Variants in SANBR observed in about 807,000 individuals in gnomAD.
The protein encoded by SANBR is SANT and BTB domain regulator of class switch recombination.
SANBR carries 77 observed loss-of-function variants against 101.8 expected under a neutral mutation model. That is an observed-to-expected ratio of 0.76 (90% CI 0.63 to 0.91). The LOEUF (loss-of-function observed/expected upper bound fraction) is 0.91, where lower values mean the gene tolerates loss of function less well. Ranked by LOEUF, SANBR falls within the 40% of genes least tolerant of loss-of-function variation. The probability of loss-of-function intolerance (pLI) is 0.00; values close to 1 mark genes in which losing one functional copy is unlikely to be tolerated. For synonymous variants in SANBR, 279 were observed against 274.7 expected (o/e 1.02, Z -0.15); for missense variants, 875 against 853.0 (o/e 1.03, Z -0.32).
chr2:61,121,062 A>T (rs886677960), intron 20 of SANBR, 123 bp from the exon 21 acceptor site: 22 of 728,164 alleles, frequency 3.0e-5, no homozygotes, highest in Non-Finnish European at 4.4e-6. Context: ...ATTAAACCTC[A>T]AAAAGACTGG....
chr2:61,088,054 A>G (rs1348491883), intron 8 of SANBR, 105 bp from the exon 9 acceptor site: 2 of 594,370 alleles, frequency 3.4e-6, no homozygotes, highest in Admixed American at 3.5e-5. Flanking sequence ...GAGAGCCACT[A>G]AGGATTTATT....
At chr2:61,108,840 G>A (rs1006741980) in intron 15 of SANBR, among the ~76,000 whole-genome samples, 3 of 152,238 alleles carry the variant, frequency 2.0e-5, no homozygotes, top group South Asian at 2.1e-4. Flanking sequence ...ATGTGCATAT[G>A]TGCTTGTTTA....
At chr2:61,109,933 G>A (rs948441041) in intron 16 of SANBR, among the ~76,000 whole-genome samples, 8 of 151,884 alleles carry the variant, frequency 5.3e-5, no homozygotes, top group Admixed American at 1.3e-4. Context: ...GATTACAGGC[G>A]TGAGCCACTG....
chr2:61,134,344 G>A (rs1172881949), intron 21 of SANBR: 1 of 1,439,404 alleles, frequency 6.9e-7, no homozygotes, highest in African/African-American at 1.4e-5. Context: ...TAACTGTATT[G>A]TGCTTATTCC....
chr2:61,083,444 T>A, intron 8 of SANBR, 130 bp downstream of exon 8: 1 of 651,486 alleles, frequency 1.5e-6, no homozygotes, highest in Non-Finnish European at 2.6e-6. Flanking sequence ...TTGTTCAGGC[T>A]GGAGTGCAGT....
At chr2:61,121,655 A>G in intron 21 of SANBR, 1 of 170,884 alleles carries the variant, frequency 5.9e-6, no homozygotes, top group South Asian at 1.6e-4. Context: ...ATTTCTCTTA[A>G]TAAAATCTAA....
chr2:61,104,482 CAA>C (rs58753839), intron 13 of SANBR, among the ~76,000 whole-genome samples: 214 of 142,062 alleles, frequency 1.5e-3, no homozygotes, highest in Non-Finnish European at 5.4e-4. Context: ...AAAAAAAGAG[CAA>C]AAAAAAAAAA....
intron 16 of SANBR, among the ~76,000 whole-genome samples, chr2:61,114,923 G>T (rs933843833): frequency 2.0e-5 from 3 of 152,094 alleles, no homozygotes; most frequent in Non-Finnish European, 1.5e-5. Context: ...TCCCAAAGTG[G>T]TAGGATTACA....
intron 8 of SANBR, among the ~76,000 whole-genome samples, chr2:61,084,577 A>G (rs1682321213): frequency 6.6e-6 from 1 of 152,180 alleles, no homozygotes; most frequent in South Asian, 2.1e-4. Context: ...AAAAATTATT[A>G]AAACAGACCT....
At chr2:61,115,268 A>G (rs576124613) in intron 16 of SANBR, among the ~76,000 whole-genome samples, 44 of 151,954 alleles carry the variant, frequency 2.9e-4, no homozygotes, top group African/African-American at 9.6e-4. Flanking sequence ...TGTTTTGATA[A>G]TTTCTGTCTT....
intron 4 of SANBR, among the ~76,000 whole-genome samples, chr2:61,072,810 C>G (rs1038281482): frequency 1.3e-5 from 1 of 74,942 alleles, no homozygotes; most frequent in African/African-American, 5.0e-5. Context: ...TCTTGCTTGT[C>G]TCTCATGTTA....
At chr2:61,133,013 A>G (rs928927022) in intron 20 of SANBR, among the ~76,000 whole-genome samples, 1 of 152,132 alleles carries the variant, frequency 6.6e-6, no homozygotes, top group Non-Finnish European at 1.5e-5. Flanking sequence ...GCACTTTGGG[A>G]GGCCAAGGCG....
At chr2:61,105,655 T>G (rs1683521261) in intron 13 of SANBR, among the ~76,000 whole-genome samples, 1 of 141,930 alleles carries the variant, frequency 7.0e-6, no homozygotes, top group Admixed American at 7.3e-5. Context: ...CGTGAGCCAC[T>G]GCGCCTGGCC....
At chr2:61,083,524 G>C (rs967061942) in intron 8 of SANBR, among the ~76,000 whole-genome samples, 3 of 149,126 alleles carry the variant, frequency 2.0e-5, no homozygotes, top group Non-Finnish European at 3.0e-5. Flanking sequence ...AGCCTCCCAA[G>C]TAGCTGGGAC....
At chr2:61,116,132 G>GA in intron 17 of SANBR, 62 bp downstream of exon 17, 2 of 1,169,772 alleles carry the variant, frequency 1.7e-6, no homozygotes, top group South Asian at 1.4e-5. Context: ...AGTATAGCCA[G>GA]AAAAAAATAA....
chr2:61,069,221 C>T (rs1346038472), intron 2 of SANBR, among the ~76,000 whole-genome samples: 1 of 152,152 alleles, frequency 6.6e-6, no homozygotes, highest in East Asian at 1.9e-4. Context: ...CCACATAACC[C>T]TCAGCACAAT....
exon 22 of SANBR, chr2:61,137,643 G>T (rs1018872581): frequency 1.3e-5 from 2 of 152,024 alleles, no homozygotes; most frequent in African/African-American, 4.8e-5. Context: ...GAAAAGTACA[G>T]AGGATAATAC....
chr2:61,109,173 A>G (rs1381378880), intron 15 of SANBR, 24 bp from the exon 16 acceptor site: 2 of 1,181,808 alleles, frequency 1.7e-6, no homozygotes, highest in African/African-American at 1.5e-5. Context: ...TATTACATTT[A>G]TAATAGATTT....
Position 61,108,308 on chromosome 2 carries a change from G to A in SANBR, c.1612-9G>A. ...GCAGATTTATTAATCTCTTATTCCT[G>A]TCTTGTAGTTCTTGTCATTGAAAAA... On this transcript the variant is annotated splice_polypyrimidine_tract_variant and intron_variant, in intron 14 of 21. Coordinates refer to ENST00000402291, the MANE Select transcript of SANBR (RefSeq NM_001129993.3). 6.4e-7 allele frequency: 1 copy of A among 1,555,810 alleles called. No individual in the cohort carries two copies. The highest frequency in any genetic ancestry group is 8.8e-7 in the Non-Finnish European group (1 of 1,140,232).
Sources: gnomAD v4.1 joint callset for allele counts (sites outside exome capture counted in the v4.1 genomes callset) on GRCh38, gnomAD v4.1.1 for gene constraint, MANE v1.5 for transcripts, NCBI Gene and HGNC (gene_info 2026-07-23, HGNC 2026-07-21) for gene names.